The following RTL4 variants were observed in gnomAD, a reference collection of about 807,000 sequenced individuals.
The protein encoded by RTL4 is retrotransposon Gag like 4.
Under a neutral mutation model 5.3 loss-of-function variants are expected in RTL4, and 4 were observed. The ratio of observed to expected loss-of-function variants is 0.75; its 90% CI spans 0.37 to 1.72. The LOEUF is 1.72. RTL4 is among the 40% of genes most tolerant of loss of function. RTL4 has a pLI of 0.04. For missense variants in RTL4, 260 were observed against 227.1 expected, an observed-to-expected ratio of 1.14 and a Z score of -0.93; for synonymous variants, 98 against 87.3, an observed-to-expected ratio of 1.12 and a Z score of -0.68.
At chrX:112,446,903 C>T in the RTL4 span, among the ~76,000 whole-genome samples, 1 of 111,788 alleles carries the variant, frequency 8.9e-6, no homozygotes, top group East Asian at 2.8e-4. Context: ...ACAGTAAAAC[C>T]ACCTCTGCTA....
At chrX:112,174,908 T>C in the RTL4 span, among the ~76,000 whole-genome samples, 1 of 50,759 alleles carries the variant, frequency 2.0e-5, no homozygotes, top group South Asian at 1.4e-3. Context: ...TCATATCCTT[T>C]GCCCACTTTT....
chrX:112,353,719 A>T, the RTL4 span, among the ~76,000 whole-genome samples: 1 of 110,245 alleles, frequency 9.1e-6, no homozygotes. Context: ...GCATTAGGAG[A>T]TATACCTAAT....
the RTL4 span, among the ~76,000 whole-genome samples, chrX:112,411,221 C>T: frequency 9.0e-6 from 1 of 111,427 alleles, no homozygotes; most frequent in African/African-American, 3.2e-5. Flanking sequence ...TAAAAAGTCT[C>T]CTAGCAAACA....
chrX:112,337,653 T>C, the RTL4 span, among the ~76,000 whole-genome samples: 1 of 112,012 alleles, frequency 8.9e-6, no homozygotes, highest in Non-Finnish European at 1.9e-5. Context: ...CTCTTATTTC[T>C]TATTCAAGTT....
chrX:112,176,718 T>C, the RTL4 span, among the ~76,000 whole-genome samples: 1 of 112,079 alleles, frequency 8.9e-6, no homozygotes, highest in East Asian at 2.8e-4. Flanking sequence ...AAATATAAGA[T>C]TAATTATTGA....
chrX:112,431,722 C>CT, the RTL4 span, among the ~76,000 whole-genome samples: 11 of 108,909 alleles, frequency 1.0e-4, no homozygotes, highest in East Asian at 5.8e-4. Context: ...CTGAGTGGTT[C>CT]TTTTTTTTTA....
chrX:112,275,186 C>CT, the RTL4 span, among the ~76,000 whole-genome samples: 1,057 of 96,950 alleles, frequency 0.011, 18 homozygotes, highest in African/African-American at 0.036. Context: ...TTCTTTCTTG[C>CT]TTTTTTTTTT....
At chrX:112,373,183 A>G in the RTL4 span, among the ~76,000 whole-genome samples, 2 of 111,785 alleles carry the variant, frequency 1.8e-5, no homozygotes. Context: ...TAGGTGAGCC[A>G]TGTATGTATG....
At chrX:112,303,664 G>A in the RTL4 span, among the ~76,000 whole-genome samples, 1 of 92,984 alleles carries the variant, frequency 1.1e-5, no homozygotes, top group Non-Finnish European at 2.1e-5. Context: ...GCTAAATGAT[G>A]AGTTAGTGGG....
chrX:112,166,080 T>A, the RTL4 span, among the ~76,000 whole-genome samples: 3 of 112,080 alleles, frequency 2.7e-5, no homozygotes, highest in Non-Finnish European at 5.6e-5. Flanking sequence ...GTAATTGATA[T>A]GGTGCTCTTG....
chrX:112,431,341 C>T, the RTL4 span, among the ~76,000 whole-genome samples: 1 of 111,742 alleles, frequency 8.9e-6, no homozygotes, highest in East Asian at 2.8e-4. Flanking sequence ...TATTTCTTCT[C>T]TACCAGAAGA....
At chrX:112,406,020 G>A in the RTL4 span, among the ~76,000 whole-genome samples, 1 of 110,612 alleles carries the variant, frequency 9.0e-6, no homozygotes, top group African/African-American at 3.3e-5. Context: ...CATGTGGAGG[G>A]AGCATTTAAA....
chrX:112,309,791 TAC>T, the RTL4 span, among the ~76,000 whole-genome samples: 857 of 106,483 alleles, frequency 8.0e-3, 8 homozygotes, highest in African/African-American at 0.029. Context: ...CACATATATA[TAC>T]ACACACACAC....
chrX:112,125,851 T>C, the RTL4 span, among the ~76,000 whole-genome samples: 2 of 111,938 alleles, frequency 1.8e-5, no homozygotes, highest in Non-Finnish European at 3.8e-5. Context: ...GGCCAACATC[T>C]ACGATAACAC....
At chrX:112,380,246 A>G in the RTL4 span, among the ~76,000 whole-genome samples, 2 of 108,796 alleles carry the variant, frequency 1.8e-5, no homozygotes, top group East Asian at 5.7e-4. Flanking sequence ...TCCCGGGTTC[A>G]CGCCATTCTC....
chrX:112,178,266 T>A, the RTL4 span, among the ~76,000 whole-genome samples: 1 of 111,790 alleles, frequency 8.9e-6, no homozygotes, highest in South Asian at 3.8e-4. Flanking sequence ...CAGCCCCATG[T>A]AAGCAGCTTT....
the RTL4 span, among the ~76,000 whole-genome samples, chrX:112,440,475 T>C: frequency 9.0e-6 from 1 of 111,726 alleles, no homozygotes; most frequent in Non-Finnish European, 1.9e-5. Flanking sequence ...GAATAAAAGA[T>C]ACATCACTCC....
chrX:112,090,393 C>G, the RTL4 span, among the ~76,000 whole-genome samples: 525 of 110,914 alleles, frequency 4.7e-3, 4 homozygotes, highest in African/African-American at 0.016. Context: ...TAATAAACAT[C>G]CTTTATCAGG....
At chrX:112,317,273 G>A in the RTL4 span, among the ~76,000 whole-genome samples, 2 of 111,548 alleles carry the variant, frequency 1.8e-5, no homozygotes, top group Admixed American at 1.9e-4. Context: ...CCTGGGAGGC[G>A]GAAGCTGCAG....
Sources: allele counts gnomAD v4.1 joint callset (sites outside exome capture counted in the v4.1 genomes callset), GRCh38; gene constraint gnomAD v4.1.1; transcripts MANE v1.5; gene names NCBI Gene and HGNC (gene_info 2026-07-23, HGNC 2026-07-21).